Variants in CNTN5 observed in about 807,000 individuals in gnomAD.
CNTN5 encodes contactin 5.
Under a neutral mutation model 129.1 loss-of-function variants are expected in CNTN5, and 77 were observed. The ratio of observed to expected loss-of-function variants is 0.60; its 90% CI spans 0.50 to 0.72. The LOEUF is 0.72. CNTN5 is among the 30% of genes least tolerant of loss of function. CNTN5 has a pLI of 0.00. For synonymous variants in CNTN5, 509 were observed against 465.6 expected (o/e 1.09, Z -1.20); for missense variants, 1,478 against 1,328.8 (o/e 1.11, Z -1.75).
At chr11:100,079,416 G>A (rs577461507) in intron 13 of CNTN5, among the ~76,000 whole-genome samples, 1 of 151,952 alleles carries the variant, frequency 6.6e-6, no homozygotes, top group Non-Finnish European at 1.5e-5. Context: ...ATCTATGTCC[G>A]CAAATCACTA....
intron 1 of CNTN5, among the ~76,000 whole-genome samples, chr11:99,207,544 T>C (rs1221873345): frequency 6.6e-6 from 1 of 152,218 alleles, no homozygotes; most frequent in East Asian, 1.9e-4. Flanking sequence ...GTAACATCAC[T>C]ATAACAAGGT....
Position 99,134,727 on chromosome 11 carries a change from T to C in CNTN5, c.-210+113457T>C, listed in dbSNP as rs187894254. On this transcript the variant is annotated intron_variant, in intron 1 of 24. Transcript: ENST00000524871. Reference sequence around the variant, plus strand: ...CAGTAAAATTTTATTAAAATGAAAATTATAGCAACCATCAAACAAAACAAA... The same window carrying C: ...CAGTAAAATTTTATTAAAATGAAAACTATAGCAACCATCAAACAAAACAAA... Among the ~76,000 whole-genome samples, 1,285 of 147,440 alleles carry C rather than the reference T, an allele frequency of 8.7e-3. 21 individuals are homozygous for C. Among genetic ancestry groups the C allele is most frequent in the African/African-American group, 0.029 (1,193 of 40,556 alleles).
chr11:99,792,424 A>G (rs1439028708), intron 3 of CNTN5, among the ~76,000 whole-genome samples: 1 of 151,908 alleles, frequency 6.6e-6, no homozygotes, highest in African/African-American at 2.4e-5. Flanking sequence ...AACCCACCTT[A>G]CTTGACTGTG....
intron 20 of CNTN5, among the ~76,000 whole-genome samples, chr11:100,306,759 G>A (rs999053917): frequency 2.6e-5 from 4 of 151,678 alleles, no homozygotes; most frequent in African/African-American, 7.3e-5. Context: ...TTTCCAGAAT[G>A]CATGTTTTAA....
At chr11:99,761,158 G>C (rs905343345) in intron 3 of CNTN5, among the ~76,000 whole-genome samples, 1 of 152,062 alleles carries the variant, frequency 6.6e-6, no homozygotes, top group Non-Finnish European at 1.5e-5. Flanking sequence ...AAGAACAGTA[G>C]TAATTATTAT....
rs149879504 is a variant in CNTN5, at chr11:99,826,551, C to T, written c.277+6786C>T. On this transcript the variant is annotated intron_variant, in intron 4 of 24. Transcript: ENST00000524871. ...TCAAATTTAACCTGTGTTGTATGAT[C>T]GGGTGAAGCAAAATTGAGGAAGTGA... Among the ~76,000 whole-genome samples the T allele has an allele frequency of 1.5e-3, 222 of 152,106 alleles. 1 individual carries two copies. The highest frequency in any genetic ancestry group is 5.3e-3 in the African/African-American group (219 of 41,476).
At chr11:99,191,805 G>A (rs1455680042) in intron 1 of CNTN5, among the ~76,000 whole-genome samples, 1 of 151,584 alleles carries the variant, frequency 6.6e-6, no homozygotes, top group African/African-American at 2.4e-5. Flanking sequence ...TTAAAGAATA[G>A]AGCAAAAGCA....
At chr11:99,206,143 T>A (rs1409567733) in intron 1 of CNTN5, among the ~76,000 whole-genome samples, 1 of 152,188 alleles carries the variant, frequency 6.6e-6, no homozygotes, top group African/African-American at 2.4e-5. Flanking sequence ...CCTCTCCACT[T>A]TTAACTAATA....
intron 3 of CNTN5, among the ~76,000 whole-genome samples, chr11:99,771,801 C>T (rs1006530229): frequency 6.6e-6 from 1 of 151,798 alleles, no homozygotes; most frequent in Non-Finnish European, 1.5e-5. Context: ...AGTGTTGTCA[C>T]CATAAAATGA....
At chr11:99,911,656 A>T (rs1176856023) in intron 6 of CNTN5, among the ~76,000 whole-genome samples, 2 of 151,856 alleles carry the variant, frequency 1.3e-5, no homozygotes, top group Admixed American at 6.6e-5. Context: ...TTTTTAGGGA[A>T]TAATTTTTGA....
intron 13 of CNTN5, among the ~76,000 whole-genome samples, chr11:100,078,372 C>A (rs1463385411): frequency 1.3e-5 from 2 of 151,908 alleles, no homozygotes; most frequent in Non-Finnish European, 2.9e-5. Context: ...TTCATTTGGC[C>A]CTAAATGATA....
At chr11:99,897,862 T>C (rs1949248808) in intron 6 of CNTN5, among the ~76,000 whole-genome samples, 2 of 152,152 alleles carry the variant, frequency 1.3e-5, no homozygotes, top group South Asian at 4.1e-4. Flanking sequence ...ATTGGATAAA[T>C]AAATAAGATC....
intron 3 of CNTN5, among the ~76,000 whole-genome samples, chr11:99,614,921 T>G (rs1011543721): frequency 4.0e-5 from 6 of 151,882 alleles, no homozygotes; most frequent in Admixed American, 2.6e-4. Context: ...AATTTAAGTT[T>G]TTCCTAAGAA....
chr11:100,194,843 A>G (rs1396068533), intron 15 of CNTN5, among the ~76,000 whole-genome samples: 1 of 152,014 alleles, frequency 6.6e-6, no homozygotes, highest in Non-Finnish European at 1.5e-5. Context: ...GCATTTTCCA[A>G]TGTAACAAAA....
intron 3 of CNTN5, among the ~76,000 whole-genome samples, chr11:99,669,516 ATAT>A (rs1036706563): frequency 6.6e-5 from 10 of 151,852 alleles, no homozygotes; most frequent in Non-Finnish European, 1.3e-4. Flanking sequence ...ATGCTAGATA[ATAT>A]TCATGAGCAT....
intron 1 of CNTN5, among the ~76,000 whole-genome samples, chr11:99,317,677 A>G (rs1466273024): frequency 6.6e-6 from 1 of 152,142 alleles, no homozygotes; most frequent in Non-Finnish European, 1.5e-5. Flanking sequence ...TGCACTGATA[A>G]CTTGTTTCGT....
chr11:99,359,893 AACTT>A (rs747968315), intron 2 of CNTN5, among the ~76,000 whole-genome samples: 22 of 152,178 alleles, frequency 1.4e-4, no homozygotes, highest in Non-Finnish European at 2.8e-4. Flanking sequence ...ATATGAAAAA[AACTT>A]AAAGGCAGAA....
At chr11:99,704,417 A>G (rs558170685) in intron 3 of CNTN5, among the ~76,000 whole-genome samples, 13 of 151,186 alleles carry the variant, frequency 8.6e-5, no homozygotes, top group Non-Finnish European at 1.9e-4. Context: ...TGTGCACTCT[A>G]CAACTCAGAT....
intron 13 of CNTN5, among the ~76,000 whole-genome samples, chr11:100,187,954 T>G (rs575363592): frequency 6.6e-6 from 1 of 152,260 alleles, no homozygotes; most frequent in South Asian, 2.1e-4. Flanking sequence ...CTAATTAAAC[T>G]AAAGAGCTTC....
Sources: allele counts gnomAD v4.1 joint callset (sites outside exome capture counted in the v4.1 genomes callset), GRCh38; gene constraint gnomAD v4.1.1; transcripts MANE v1.5; gene names NCBI Gene and HGNC (gene_info 2026-07-23, HGNC 2026-07-21).